RPL28: variants seen among roughly 807,000 people sequenced by gnomAD.
The protein encoded by RPL28 is large ribosomal subunit protein eL28.
A neutral mutation model predicts 12.5 loss-of-function variants in RPL28; 4 were observed. The ratio of observed to expected loss-of-function variants is 0.32; its 90% CI spans 0.16 to 0.73. RPL28 has a LOEUF of 0.73. RPL28 is among the 30% of genes least tolerant of loss of function. The probability of loss-of-function intolerance (pLI) is 0.66; values close to 1 mark genes in which losing one functional copy is unlikely to be tolerated. For synonymous variants in RPL28, 91 were observed against 72.5 expected, an observed-to-expected ratio of 1.26 and a Z score of -1.30; for missense variants, 214 against 197.7, an observed-to-expected ratio of 1.08 and a Z score of -0.49.
At chr19:55,394,262 AAAAACAAACAAAC>A (rs2090009307), downstream of RPL28, among the ~76,000 whole-genome samples, 1 of 152,288 alleles carries the variant, frequency 6.6e-6, no homozygotes, top group Admixed American at 6.5e-5. Context: ...ACTCCGTCTC[AAAAACAAACAAAC>A]AAACAAAAAG....
intron 1 of RPL28, 167 bp from the exon 2 acceptor site, chr19:55,386,183 C>T (rs904025527): frequency 7.8e-6 from 5 of 637,244 alleles, no homozygotes; most frequent in African/African-American, 3.7e-5. Context: ...CCTTAGGTCA[C>T]TCAGTCCCGC....
intron 4 of RPL28, chr19:55,401,835 G>A: frequency 2.0e-6 from 3 of 1,525,162 alleles, no homozygotes; most frequent in Middle Eastern, 1.7e-4. Flanking sequence ...CAAGAGGGTG[G>A]CCTCCGCACT....
chr19:55,387,776 C>T, intron 3 of RPL28, 154 bp from the exon 4 acceptor site: 6 of 1,463,742 alleles, frequency 4.1e-6, no homozygotes, highest in Non-Finnish European at 5.4e-6. Flanking sequence ...GTGAAATGGA[C>T]AGGTGGGAAA....
Position 55,402,947 on chromosome 19 carries a change from CG to C in RPL28, c.332del (p.Gly111GlufsTer9). The C allele has an allele frequency of 6.6e-7, 1 of 1,520,790 alleles. No individual in the cohort carries two copies. The highest frequency in any genetic ancestry group is 8.8e-7 in the Non-Finnish European group (1 of 1,141,360). 94.2% of individuals were successfully genotyped at this position (1,520,790 alleles called of 1,614,324 possible). On this transcript the variant is annotated frameshift_variant, in exon 5 of 5. Coordinates refer to the RPL28 transcript ENST00000560055. LOFTEE classifies it low-confidence loss of function (END_TRUNC). ...GTTAACTTTTTTTTTTTTCAGCTTG[CG>C]GGAAGGGTTGGGAGGCAGCAGGCTG...
chr19:55,391,541 C>T lies in RPL28; in HGVS notation c.*3209C>T, dbSNP rs10425362. 13 of 1,515,928 alleles carry T rather than the reference C, an allele frequency of 8.6e-6. No homozygotes were observed. Among genetic ancestry groups the T allele is most frequent in the African/African-American group, 1.4e-5 (1 of 72,394 alleles). 93.9% of individuals were successfully genotyped at this position (1,515,928 alleles called of 1,614,324 possible). On this transcript the variant is annotated 3_prime_UTR_variant, in exon 5 of 5. Coordinates refer to ENST00000344063, the MANE Select transcript of RPL28 (RefSeq NM_000991.5). Reference sequence around the variant, plus strand: ...CAGCAGAGACTCGGGACTGAGGCATCCTCTGTTCACAGGACATGCTGGCAT... The same window carrying T: ...CAGCAGAGACTCGGGACTGAGGCATTCTCTGTTCACAGGACATGCTGGCAT...
At chr19:55,386,855 C>G (rs913416202) in intron 3 of RPL28, 162 bp downstream of exon 3, 1 of 1,557,488 alleles carries the variant, frequency 6.4e-7, no homozygotes, top group African/African-American at 1.4e-5. Flanking sequence ...GCCGACTTGT[C>G]AGCTCTGTGA....
chr19:55,395,126 T>C (rs192649933), downstream of RPL28, among the ~76,000 whole-genome samples: 3,894 of 152,148 alleles, frequency 0.026, 158 homozygotes, highest in African/African-American at 0.087. Flanking sequence ...TTTTTCCTTT[T>C]CTTATTTATT....
chr19:55,396,714 G>T (rs113546685), downstream of RPL28, among the ~76,000 whole-genome samples: 2 of 145,764 alleles, frequency 1.4e-5, no homozygotes, highest in Non-Finnish European at 3.0e-5. Context: ...CCGAGTAACT[G>T]GGACTACAGG....
chr19:55,401,632 G>A, intron 4 of RPL28: 1 of 1,606,176 alleles, frequency 6.2e-7, no homozygotes, highest in Non-Finnish European at 8.5e-7. Flanking sequence ...GGGCCCGCCG[G>A]CGCCCCCGTG....
downstream of RPL28, among the ~76,000 whole-genome samples, chr19:55,396,166 G>A (rs947571485): frequency 4.0e-5 from 6 of 151,472 alleles, no homozygotes; most frequent in Non-Finnish European, 7.4e-5. Context: ...AGTTCCTTGG[G>A]AGGCTGAGAT....
In RPL28 at chr19:55,390,018, C is replaced by G. The variant is rs2089975559; in HGVS notation, c.*1686C>G. 3.0e-6 allele frequency: 3 copies of G among 985,482 alleles called. No homozygotes were observed. The highest frequency in any genetic ancestry group is 3.6e-6 in the Non-Finnish European group (3 of 829,954). 61.0% of individuals were successfully genotyped at this position (985,482 alleles called of 1,614,324 possible). On this transcript the variant is annotated 3_prime_UTR_variant, in exon 5 of 5. Coordinates refer to ENST00000344063, the MANE Select transcript of RPL28 (RefSeq NM_000991.5). ...ATGGCCCCTTCTCGTGAGGCCTCTC[C>G]CCTGGCACCTGCTTCAGTTGTCCTC...
At chr19:55,388,210 G>A in intron 4 of RPL28, 33 bp from the exon 5 acceptor site, 2 of 1,517,904 alleles carry the variant, frequency 1.3e-6, no homozygotes, top group Non-Finnish European at 1.8e-6. Flanking sequence ...TGGAGTGTAT[G>A]GGCTGAGCCT....
chr19:55,402,975 A>G (rs1169035970), exon 5 of RPL28: 1 of 1,534,668 alleles, frequency 6.5e-7, no homozygotes, highest in Non-Finnish European at 8.7e-7. Flanking sequence ...AGCAGGCTGT[A>G]AGCAGCCTGG....
At position 55,386,182 on chromosome 19, in the gene RPL28, A is replaced by C. The variant is rs76335916; in HGVS notation, c.-8-168A>C. On this transcript the variant is annotated intron_variant, in intron 1 of 4. Coordinates refer to ENST00000344063, the MANE Select transcript of RPL28 (RefSeq NM_000991.5). ...GAATTCGGTCCCGCCGCCTTAGGTC[A>C]CTCAGTCCCGCCTGACAAGAGTTCT... 2.0e-3 allele frequency: 1,253 copies of C among 631,372 alleles called. 14 individuals carry two copies. Among genetic ancestry groups the C allele is most frequent in the African/African-American group, 0.018 (961 of 54,648 alleles). The allele number at this position is 631,372 out of a possible 1,614,324, so 39.1% of individuals were successfully genotyped here. A position where few individuals can be genotyped will look rare whatever the true frequency, so the allele number is the denominator to read the frequency against.
chr19:55,401,244 C>T, intron 4 of RPL28: 2 of 683,996 alleles, frequency 2.9e-6, no homozygotes, highest in South Asian at 1.9e-5. Flanking sequence ...CCACATGGCA[C>T]CATGCAGCGG....
At chr19:55,397,621 C>G (rs1364550281) in intron 4 of RPL28, among the ~76,000 whole-genome samples, 2 of 151,970 alleles carry the variant, frequency 1.3e-5, no homozygotes, top group East Asian at 3.9e-4. Context: ...ATCTTGTGAT[C>G]CACCCGCCTC....
At chr19:55,401,802 C>T (rs1233494480) in intron 4 of RPL28, 1 of 1,608,190 alleles carries the variant, frequency 6.2e-7, no homozygotes, top group East Asian at 2.2e-5. Flanking sequence ...GTCGGGCAAC[C>T]TACAGGGACC....
chr19:55,388,279 C>T lies in RPL28; in HGVS notation c.361C>T (p.Gln121Ter). The T allele has an allele frequency of 1.3e-6, 2 of 1,583,822 alleles. No homozygotes were observed. Among genetic ancestry groups the T allele is most frequent in the Non-Finnish European group, 8.6e-7 (1 of 1,165,576 alleles). ...CAGGGCCAGCGCCATCCTGCGCAGC[C>T]AGAAGCCTGTGATGGTGAAGAGGAA... ...IRRASAILRS[Q>*]KPVMVKRKRT... Residue 121 changes from glutamine (Q) to a stop codon, truncating the protein, a stop_gained, in exon 5 of 5, where the codon CAG becomes TAG. Transcript: ENST00000344063. LOFTEE classifies it high-confidence loss of function.
rs2089967632 is a variant in RPL28 at position 55,389,393 on chromosome 19, C to T, written c.*1061C>T. 6 of 985,354 alleles carry T rather than the reference C, an allele frequency of 6.1e-6. No individual in the cohort carries two copies. Among genetic ancestry groups the T allele is most frequent in the Non-Finnish European group, 4.8e-6 (4 of 829,950 alleles). 61.0% of individuals were successfully genotyped at this position (985,354 alleles called of 1,614,324 possible). A position where few individuals can be genotyped will look rare whatever the true frequency, so the allele number is the denominator to read the frequency against. Reference sequence around the variant, plus strand: ...TGGGGAAAGAGTCCTGCTGTTGATCCTCACATGTTTCCTGGGCACCTAACT... The same window carrying T: ...TGGGGAAAGAGTCCTGCTGTTGATCTTCACATGTTTCCTGGGCACCTAACT... On this transcript the variant is annotated 3_prime_UTR_variant, in exon 5 of 5. Coordinates refer to ENST00000344063, the MANE Select transcript of RPL28 (RefSeq NM_000991.5).
Sources: gnomAD v4.1 joint callset for allele counts (sites outside exome capture counted in the v4.1 genomes callset) on GRCh38, gnomAD v4.1.1 for gene constraint, MANE v1.5 for transcripts, NCBI Gene and HGNC (gene_info 2026-07-23, HGNC 2026-07-21) for gene names.